LTN1: variants seen among roughly 807,000 people sequenced by gnomAD.
LTN1 encodes E3 ubiquitin-protein ligase listerin.
LTN1 carries 88 observed loss-of-function variants against 201.2 expected under a neutral mutation model. The observed-to-expected ratio is 0.44, with a 90% CI of 0.37 to 0.52. The LOEUF (loss-of-function observed/expected upper bound fraction) is 0.52, where lower values mean the gene tolerates loss of function less well. Ranked by LOEUF, LTN1 falls within the 20% of genes least tolerant of loss-of-function variation. The probability of loss-of-function intolerance (pLI) is 0.00; values close to 1 mark genes in which losing one functional copy is unlikely to be tolerated. For missense variants in LTN1, 1,752 were observed against 2,038.7 expected (o/e 0.86, Z 2.71); for synonymous variants, 645 against 713.5 (o/e 0.90, Z 1.53).
Position 28,986,640 on chromosome 21 carries a change from G to A in LTN1, c.246+91C>T, listed in dbSNP as rs2146318798. Reference sequence around the variant, plus strand: ...TTATAAAAGAACTTAGCAATAAATTGTTCATTTTTCTTTACATAAAACATG... The same window carrying A: ...TTATAAAAGAACTTAGCAATAAATTATTCATTTTTCTTTACATAAAACATG... On this transcript the variant is annotated intron_variant, in intron 2 of 29. Coordinates refer to ENST00000361371, the MANE Select transcript of LTN1 (RefSeq NM_015565.3). The surrounding 1 kb of genome is among the most constrained non-coding windows in gnomAD (Gnocchi z 4.1). The A allele has an allele frequency of 1.1e-6, 1 of 951,010 alleles. No individual in the cohort carries two copies. The highest frequency in any genetic ancestry group is 2.5e-5 in the East Asian group (1 of 40,036). 58.9% of individuals were successfully genotyped at this position (951,010 alleles called of 1,614,324 possible).
intron 19 of LTN1, 31 bp from the exon 20 acceptor site, chr21:28,946,318 ATATT>A (rs751674668): frequency 7.9e-5 from 116 of 1,472,926 alleles, no homozygotes; most frequent in Non-Finnish European, 1.0e-4. Context: ...AAAATTAAAA[ATATT>A]TAAGAACTAT....
At position 28,970,553 on chromosome 21, in the gene LTN1, C is replaced by G. The variant is rs1237351765; in HGVS notation, c.1174G>C (p.Gly392Arg). Residue 392 changes from glycine to arginine, a missense_variant and splice_region_variant, in exon 8 of 30, where the codon GGG becomes CGG. Gly to Arg is a moderately radical substitution (Grantham distance 125). Coordinates refer to ENST00000361371, the MANE Select transcript of LTN1 (RefSeq NM_015565.3). ...FKNFLTSLVA[G>R]LSTERTKTSS... The stretch of plus-strand genomic sequence containing the variant: ...AAATCAAAAATTTAAATTACTTACC[C>G]AGCAACTAGAGACGTGAGGAAATTT... 1 of 1,599,916 alleles carries G rather than the reference C, an allele frequency of 6.3e-7. No individual in the cohort carries two copies. The highest frequency in any genetic ancestry group is 1.3e-5 in the African/African-American group (1 of 74,464).
At position 28,946,150 on chromosome 21, in the gene LTN1, A is replaced by G; in HGVS notation, c.3623+2T>C. ...AAAAACATAGTATAAAGTATCACCT[A>G]CCAACTGAAAAGAAAAATATCTTCA... On this transcript the variant is annotated splice_donor_variant, in intron 20 of 29. Coordinates refer to ENST00000361371, the MANE Select transcript of LTN1 (RefSeq NM_015565.3). LOFTEE classifies it high-confidence loss of function. The G allele has an allele frequency of 1.3e-6, 2 of 1,575,692 alleles. No individual in the cohort carries two copies. Among genetic ancestry groups the G allele is most frequent in the Non-Finnish European group, 8.6e-7 (1 of 1,161,890 alleles).
At chr21:28,954,767 C>CA (rs1180609104) in intron 16 of LTN1, among the ~76,000 whole-genome samples, 4 of 152,172 alleles carry the variant, frequency 2.6e-5, no homozygotes, top group Admixed American at 1.3e-4. Context: ...CTCTATCTCT[C>CA]ACCATCTAAA....
rs965476977 is a variant in LTN1, at chr21:28,931,324, T to A, written c.5071-2A>T. On this transcript the variant is annotated splice_acceptor_variant, in intron 28 of 29. Transcript: ENST00000361371. LOFTEE classifies it high-confidence loss of function. ...TAAGCCTTCCATAATACTTCCATTC[T>A]GTTAACAAGAAGAAAAATAAGTCAC... 2 of 1,571,920 alleles carry A rather than the reference T, an allele frequency of 1.3e-6. No homozygotes were observed. The highest frequency in any genetic ancestry group is 2.7e-5 in the African/African-American group (2 of 72,966).
chr21:28,982,586 C>T (rs540479547), intron 4 of LTN1, among the ~76,000 whole-genome samples: 15 of 152,334 alleles, frequency 9.8e-5, no homozygotes, highest in Middle Eastern at 3.4e-3. Flanking sequence ...TTCTTCCCCA[C>T]GCACCTATAA....
In LTN1 at chr21:28,943,871, T is replaced by G; in HGVS notation, c.4016A>C (p.Gln1339Pro). ...ACACATGGGTTTCAGCATTGCATTC[T>G]GAAAGGATGTTTCAGACACATCTTT... The part of the protein sequence containing the change: ...ENKDVSETSF[Q>P]NAMLKPMCET... The change falls in exon 23 of 30, where the codon CAG becomes CCG. Residue 1339 changes from glutamine to proline, a missense_variant. Transcript: ENST00000361371. 1 of 1,613,402 alleles carries G rather than the reference T, an allele frequency of 6.2e-7. No individual in the cohort carries two copies. Among genetic ancestry groups the G allele is most frequent in the Non-Finnish European group, 8.5e-7 (1 of 1,179,434 alleles).
rs893429403 is a variant in LTN1, at chr21:28,992,688, C to T, written c.42+76G>A. 8 of 1,558,558 alleles carry T rather than the reference C, an allele frequency of 5.1e-6. No individual in the cohort carries two copies. The African/African-American group carries it at 6.8e-5, about 13-fold the overall frequency. On this transcript the variant is annotated intron_variant, in intron 1 of 29. Transcript: ENST00000361371. ...CTCCCTACAGCCGCGCTCCACACAC[C>T]CTCCAGCAACGCGCTGGGCGGAGCC...
intron 6 of LTN1, among the ~76,000 whole-genome samples, chr21:28,975,536 C>G (rs1568854322): frequency 1.3e-5 from 2 of 152,182 alleles, no homozygotes; most frequent in African/African-American, 2.4e-5. Context: ...GTTGCAACTA[C>G]TTAGCTCTGC....
At chr21:28,940,813 C>A (rs1013687408) in intron 25 of LTN1, among the ~76,000 whole-genome samples, 3 of 152,082 alleles carry the variant, frequency 2.0e-5, no homozygotes, top group African/African-American at 7.2e-5. Flanking sequence ...TTAGGCTGGG[C>A]GCAGTGGCTC....
At chr21:28,982,903 C>A (rs975146714) in intron 4 of LTN1, among the ~76,000 whole-genome samples, 3 of 152,198 alleles carry the variant, frequency 2.0e-5, no homozygotes, top group Non-Finnish European at 4.4e-5. Context: ...GCTTTGAGCA[C>A]ATTTTAGGCA....
At chr21:28,950,655 A>G (rs187459030) in intron 18 of LTN1, among the ~76,000 whole-genome samples, 396 of 152,128 alleles carry the variant, frequency 2.6e-3, no homozygotes, top group Non-Finnish European at 3.6e-3. Flanking sequence ...AGCTGCAACT[A>G]CAGGTGCACA....
At chr21:28,982,439 T>G (rs2084666483) in intron 4 of LTN1, 71 bp from the exon 5 acceptor site, 11 of 1,133,166 alleles carry the variant, frequency 9.7e-6, no homozygotes, top group Non-Finnish European at 1.4e-5. Flanking sequence ...AGAGCCTAGT[T>G]AAATAAAATC....
chr21:28,969,620 C>G lies in LTN1; in HGVS notation c.1176-19G>C, dbSNP rs747485291. ...TGACAGCCTAAGAAATAATTAATAA[C>G]TGGATTACTCTTTCATGAAGAAGAA... On this transcript the variant is annotated intron_variant, in intron 8 of 29. Coordinates refer to ENST00000361371, the MANE Select transcript of LTN1 (RefSeq NM_015565.3). The G allele has an allele frequency of 6.4e-7, 1 of 1,552,212 alleles. No homozygotes were observed. The highest frequency in any genetic ancestry group is 2.3e-5 in the East Asian group (1 of 43,826).
Position 28,947,465 on chromosome 21 carries a change from A to G in LTN1, c.3486T>C (p.Asn1162=), listed in dbSNP as rs1402355860. 6.6e-7 allele frequency: 1 copy of G among 1,517,402 alleles called. No individual in the cohort carries two copies. The highest frequency in any genetic ancestry group is 8.8e-7 in the Non-Finnish European group (1 of 1,139,390). 94.0% of individuals were successfully genotyped at this position (1,517,402 alleles called of 1,614,324 possible). ...GWTKKDLCST[N]GGFGHLAIFN... ...AATATTTATTATCAAGCAACTAACC[A>G]TTAGTGCTGCAAAGATCTTTCTTAG... The change falls in exon 19 of 30, where the codon AAT becomes AAC. Residue 1162 remains asparagine, a splice_region_variant and synonymous_variant. Coordinates refer to ENST00000361371, the MANE Select transcript of LTN1 (RefSeq NM_015565.3).
At chr21:28,944,999 A>G (rs1320447514) in intron 21 of LTN1, among the ~76,000 whole-genome samples, 2 of 152,142 alleles carry the variant, frequency 1.3e-5, no homozygotes, top group Non-Finnish European at 2.9e-5. Flanking sequence ...AGGCAAGTGG[A>G]TCACATGAGG....
In LTN1 at chr21:28,943,735, A is replaced by G. The variant is rs753420586; in HGVS notation, c.4152T>C (p.Asn1384=). 7 of 1,613,914 alleles carry G rather than the reference A, an allele frequency of 4.3e-6. No individual in the cohort carries two copies. The highest frequency in any genetic ancestry group is 1.1e-5 in the South Asian group (1 of 91,080). The change falls in exon 23 of 30, where the codon AAT becomes AAC. Residue 1384 remains asparagine (N), a synonymous_variant. Coordinates refer to ENST00000361371, the MANE Select transcript of LTN1 (RefSeq NM_015565.3). ...TGAAGAGGAGTAATGGGGCCAATGTATTTAACAAAGTCTGGAGATATTCTG... is the reference window on the plus strand; with the variant it reads ...TGAAGAGGAGTAATGGGGCCAATGTGTTTAACAAAGTCTGGAGATATTCTG... ...NLPEYLQTLL[N]TLAPLLLFRA...
intron 4 of LTN1, among the ~76,000 whole-genome samples, chr21:28,983,527 C>T (rs573148926): frequency 2.6e-5 from 4 of 152,228 alleles, no homozygotes; most frequent in African/African-American, 9.6e-5. Context: ...AATGGAAGAA[C>T]CTAAATGAGG....
In LTN1 at chr21:28,928,407, G is replaced by A. The variant is rs1156416503; in HGVS notation, c.*2041C>T. 1 of 152,266 alleles carries A rather than the reference G, an allele frequency of 6.6e-6. No individual in the cohort carries two copies. Among genetic ancestry groups the A allele is most frequent in the Non-Finnish European group, 1.5e-5 (1 of 67,976 alleles). The allele number at this position is 152,266 out of a possible 1,614,324, so 9.4% of individuals were successfully genotyped here. A position where few individuals can be genotyped will look rare whatever the true frequency, so the allele number is the denominator to read the frequency against. ...ACATACATTGGAGCATGTGATAAAA[G>A]AGTCAAAAATAAATTTTAAAATTTG... is the stretch of plus-strand genomic sequence containing the variant. On this transcript the variant is annotated 3_prime_UTR_variant, in exon 30 of 30. Coordinates refer to ENST00000361371, the MANE Select transcript of LTN1 (RefSeq NM_015565.3).
Sources: gnomAD v4.1 joint callset for allele counts (sites outside exome capture counted in the v4.1 genomes callset) on GRCh38, gnomAD v4.1.1 for gene constraint, Gnocchi (gnomAD v3.1) non-coding constraint, MANE v1.5 for transcripts, NCBI Gene and HGNC (gene_info 2026-07-23, HGNC 2026-07-21) for gene names.